ABHD2: variants seen among roughly 807,000 people sequenced by gnomAD.
The protein encoded by ABHD2 is abhydrolase domain containing 2, acylglycerol lipase.
ABHD2 carries 20 observed loss-of-function variants against 48.1 expected under a neutral mutation model. That is an observed-to-expected ratio of 0.42 (90% CI 0.29 to 0.60). ABHD2 has a LOEUF of 0.60. Among genes scored for constraint, ABHD2 ranks in the 20% least tolerant of loss-of-function variants. The pLI is 0.24. For synonymous variants in ABHD2, 209 were observed against 214.2 expected (o/e 0.98, Z 0.21); for missense variants, 405 against 550.9 (o/e 0.74, Z 2.65).
Position 89,151,553 on chromosome 15 carries a change from G to A in ABHD2, c.195-124G>A, listed in dbSNP as rs2050591230. On this transcript the variant is annotated intron_variant, in intron 3 of 10. Transcript: ENST00000352732. The surrounding 1 kb of genome is among the most constrained non-coding windows in gnomAD (Gnocchi z 4.7). ...GGATGTAACGTAATAAAAGCCTCAT[G>A]TTTATGCTTTGTGTGCAGAATTTCC... is the stretch of plus-strand genomic sequence containing the variant. 7.6e-6 allele frequency: 8 copies of A among 1,046,048 alleles called. No homozygotes were observed. Among genetic ancestry groups the A allele is most frequent in the Non-Finnish European group, 9.7e-6 (7 of 718,896 alleles). The allele number at this position is 1,046,048 out of a possible 1,614,324, so 64.8% of individuals were successfully genotyped here.
intron 3 of ABHD2, among the ~76,000 whole-genome samples, chr15:89,149,710 C>G (rs1015709348): frequency 6.6e-6 from 1 of 152,372 alleles, no homozygotes; most frequent in East Asian, 1.9e-4. Flanking sequence ...TGAGCAAAGA[C>G]TCCTCAGATA....
the ABHD2 span, among the ~76,000 whole-genome samples, chr15:89,047,889 C>A: frequency 6.8e-6 from 1 of 146,182 alleles, no homozygotes; most frequent in Non-Finnish European, 1.5e-5. Flanking sequence ...AGCATTTAGT[C>A]CATTTACATT....
chr15:89,098,880 C>T (rs1236653261), intron 1 of ABHD2, among the ~76,000 whole-genome samples: 1 of 152,172 alleles, frequency 6.6e-6, no homozygotes, highest in East Asian at 1.9e-4. Flanking sequence ...ATGCAGATTT[C>T]TTTAAGTCTC....
intron 3 of ABHD2, chr15:89,135,875 G>C (rs1368929792): frequency 4.5e-6 from 3 of 661,066 alleles, no homozygotes; most frequent in Non-Finnish European, 8.3e-6. Context: ...GGACAGAACA[G>C]AACAGGAAGA....
chr15:89,044,406 T>C, the ABHD2 span, among the ~76,000 whole-genome samples: 1 of 152,156 alleles, frequency 6.6e-6, no homozygotes, highest in Non-Finnish European at 1.5e-5. Flanking sequence ...TATAGTCCTT[T>C]GGGTATATAC....
At chr15:89,163,673 G>A (rs780854817) in intron 5 of ABHD2, among the ~76,000 whole-genome samples, 2 of 152,344 alleles carry the variant, frequency 1.3e-5, no homozygotes, top group East Asian at 3.9e-4. Context: ...AGAGGAGCAG[G>A]TGTGATGTTT....
At chr15:89,139,094 C>T (rs543277488) in intron 3 of ABHD2, among the ~76,000 whole-genome samples, 26 of 152,152 alleles carry the variant, frequency 1.7e-4, no homozygotes, top group African/African-American at 5.5e-4. Flanking sequence ...GCCTGTGGTC[C>T]CAGCTACTCA....
chr15:89,191,774 A>G (rs1206137616), intron 9 of ABHD2, among the ~76,000 whole-genome samples: 1 of 151,884 alleles, frequency 6.6e-6, no homozygotes, highest in Non-Finnish European at 1.5e-5. Flanking sequence ...GATTACAGGC[A>G]TGTGCCACCA....
rs543777438 is a variant in ABHD2 at position 89,176,391 on chromosome 15, C to A, written c.722+396C>A. 6.6e-6 allele frequency among the ~76,000 whole-genome samples: 1 copy of A among 152,144 alleles called. No homozygotes were observed. The highest frequency in any genetic ancestry group is 1.5e-5 in the Non-Finnish European group (1 of 68,018). ...AAGCTGGGCCTTGGGATCCCAGATC[C>A]CTCCTTCCTGCAAGAGATGAGTCCC... On this transcript the variant is annotated intron_variant, in intron 6 of 10. Coordinates refer to ENST00000352732, the MANE Select transcript of ABHD2 (RefSeq NM_152924.5). The surrounding 1 kb of genome is among the most constrained non-coding windows in gnomAD (Gnocchi z 4.5).
In ABHD2 at chr15:89,097,607, G is replaced by T. The variant is rs2049632995; in HGVS notation, c.-107+9044G>T. Reference sequence around the variant, plus strand: ...TGTAATTTGTTGGAGAAACTGGGTAGTCTGTCCAGTAGAGGTATTTGTTTA... The same window carrying T: ...TGTAATTTGTTGGAGAAACTGGGTATTCTGTCCAGTAGAGGTATTTGTTTA... On this transcript the variant is annotated intron_variant, in intron 1 of 10. Transcript: ENST00000352732. This position sits in a 1 kb window ranked among gnomAD's most constrained non-coding sequence, Gnocchi z 4.2. Among the ~76,000 whole-genome samples the T allele has an allele frequency of 6.6e-6, 1 of 152,122 alleles. No homozygotes were observed. The highest frequency in any genetic ancestry group is 1.5e-5 in the Non-Finnish European group (1 of 68,040).
At chr15:89,076,043 A>C in the ABHD2 span, among the ~76,000 whole-genome samples, 1 of 152,170 alleles carries the variant, frequency 6.6e-6, no homozygotes, top group East Asian at 1.9e-4. Flanking sequence ...TCGCAAGCTC[A>C]TGCTCCACCC....
the ABHD2 span, among the ~76,000 whole-genome samples, chr15:89,068,979 G>A: frequency 4.0e-5 from 6 of 151,368 alleles, no homozygotes; most frequent in Non-Finnish European, 5.9e-5. Context: ...ATATTGGCCA[G>A]GCTGGTCTTG....
chr15:89,044,787 G>T, the ABHD2 span, among the ~76,000 whole-genome samples: 1 of 152,102 alleles, frequency 6.6e-6, no homozygotes, highest in Non-Finnish European at 1.5e-5. Context: ...TGAGTTCATT[G>T]TAGATTCTGG....
chr15:89,073,711 T>C, the ABHD2 span, among the ~76,000 whole-genome samples: 1 of 152,178 alleles, frequency 6.6e-6, no homozygotes, highest in Admixed American at 6.5e-5. Flanking sequence ...CAAATTCTGA[T>C]TCAGCAGGTC....
chr15:89,100,154 G>A lies in ABHD2; in HGVS notation c.-107+11591G>A, dbSNP rs2049679274. ...TCATGATTGCTCACAGGCAAGTCAA[G>A]ACCAGACTAACCAGGCTTGAGGACC... is the stretch of plus-strand genomic sequence containing the variant. On this transcript the variant is annotated intron_variant, in intron 1 of 10. Transcript: ENST00000352732. The surrounding 1 kb of genome is among the most constrained non-coding windows in gnomAD (Gnocchi z 4.4). 6.6e-6 allele frequency among the ~76,000 whole-genome samples: 1 copy of A among 152,190 alleles called. No individual in the cohort carries two copies. The highest frequency in any genetic ancestry group is 2.1e-4 in the South Asian group (1 of 4,832).
Position 89,113,841 on chromosome 15 carries a change from C to T in ABHD2, c.-7+17C>T, listed in dbSNP as rs2150809807. On this transcript the variant is annotated intron_variant, in intron 2 of 10. Coordinates refer to ENST00000352732, the MANE Select transcript of ABHD2 (RefSeq NM_152924.5). ...GTAACATTGGTATGTATTGCTGAGA[C>T]TCTTATTTTTGTTTCTCCTCCCCTT... is the stretch of plus-strand genomic sequence containing the variant. 1 of 152,260 alleles carries T rather than the reference C, an allele frequency of 6.6e-6. No homozygotes were observed. The highest frequency in any genetic ancestry group is 1.9e-4 in the East Asian group (1 of 5,188). The allele number at this position is 152,260 out of a possible 1,614,324, so 9.4% of individuals were successfully genotyped here.
the ABHD2 span, among the ~76,000 whole-genome samples, chr15:89,051,713 T>G: frequency 6.6e-6 from 1 of 152,202 alleles, no homozygotes; most frequent in South Asian, 2.1e-4. Context: ...AGATGCTCTC[T>G]CTTGCCTGCT....
chr15:89,091,714 A>G lies in ABHD2; in HGVS notation c.-107+3151A>G, dbSNP rs1019955017. On this transcript the variant is annotated intron_variant, in intron 1 of 10. Coordinates refer to ENST00000352732, the MANE Select transcript of ABHD2 (RefSeq NM_152924.5). This position sits in a 1 kb window ranked among gnomAD's most constrained non-coding sequence, Gnocchi z 5.5. ...AAGCCCCAGGAGAGAGACATTTCCA[A>G]TATAATTGAATTTTGTGTGGCAGAA... Among the ~76,000 whole-genome samples the G allele has an allele frequency of 6.6e-6, 1 of 152,190 alleles. No individual in the cohort carries two copies.
At chr15:89,085,354 A>T (rs1901333047), upstream of ABHD2, among the ~76,000 whole-genome samples, 1 of 152,100 alleles carries the variant, frequency 6.6e-6, no homozygotes, top group Non-Finnish European at 1.5e-5. The surrounding 1 kb of genome is among the most constrained non-coding windows in gnomAD (Gnocchi z 4.2). Context: ...ACTTGAAGGC[A>T]AAAATAAGTC....
Sources: allele counts gnomAD v4.1 joint callset (sites outside exome capture counted in the v4.1 genomes callset), GRCh38; gene constraint gnomAD v4.1.1; non-coding constraint Gnocchi (gnomAD v3.1); transcripts MANE v1.5; gene names NCBI Gene and HGNC (gene_info 2026-07-23, HGNC 2026-07-21).